Variants in COL4A3 observed in about 807,000 individuals in gnomAD.
COL4A3 encodes the protein collagen alpha-3(IV) chain.
In COL4A3, 135 loss-of-function variants were observed where a neutral mutation model predicts 217.4. That is an observed-to-expected ratio of 0.62 (90% CI 0.54 to 0.72). The LOEUF is 0.72. Ranked by LOEUF, COL4A3 falls within the 30% of genes least tolerant of loss-of-function variation. The pLI is 0.00. For missense variants in COL4A3, 1,868 were observed against 2,119.9 expected, an observed-to-expected ratio of 0.88 and a Z score of 2.33; for synonymous variants, 690 against 736.3, an observed-to-expected ratio of 0.94 and a Z score of 1.02.
chr2:227,181,340 C>T (rs1023072421), intron 1 of COL4A3, among the ~76,000 whole-genome samples: 15 of 152,226 alleles, frequency 9.9e-5, no homozygotes, highest in African/African-American at 3.1e-4. Flanking sequence ...GCACATTTAC[C>T]GAGCACTTAT....
At chr2:227,213,917 AAAG>A (rs1559832784) in intron 1 of COL4A3, among the ~76,000 whole-genome samples, 3 of 128,066 alleles carry the variant, frequency 2.3e-5, no homozygotes, top group Admixed American at 7.5e-5. Flanking sequence ...AAAAAAAAAA[AAAG>A]AAAAAGAAAA....
intron 46 of COL4A3, chr2:227,304,438 G>T: frequency 2.8e-6 from 1 of 360,048 alleles, no homozygotes; most frequent in Non-Finnish European, 5.2e-6. Context: ...TCTGACAACT[G>T]TCAGTCTCGG....
chr2:227,283,914 T>C, intron 33 of COL4A3, 58 bp downstream of exon 33: 2 of 1,453,212 alleles, frequency 1.4e-6, no homozygotes, highest in Non-Finnish European at 1.9e-6. Flanking sequence ...TCATTTATTT[T>C]GCAGCAAAAA....
intron 48 of COL4A3, 68 bp downstream of exon 48, chr2:227,307,987 G>A: frequency 7.1e-7 from 1 of 1,400,224 alleles, no homozygotes; most frequent in Non-Finnish European, 1.0e-6. Flanking sequence ...TATAGCCTAG[G>A]ATGCTTCCCT....
chr2:227,246,847 G>A (rs776362348), intron 7 of COL4A3, 109 bp downstream of exon 7: 1 of 894,358 alleles, frequency 1.1e-6, no homozygotes, highest in Non-Finnish European at 1.9e-6. Flanking sequence ...GAAGTCTGGG[G>A]TAGCCATAGT....
intron 47 of COL4A3, among the ~76,000 whole-genome samples, chr2:227,306,903 T>G (rs2073527548): frequency 6.6e-6 from 1 of 151,754 alleles, no homozygotes; most frequent in South Asian, 2.1e-4. Flanking sequence ...GCAGCAGAAA[T>G]GGATGGGAGT....
At chr2:227,272,303 T>C (rs1042558262) in intron 25 of COL4A3, among the ~76,000 whole-genome samples, 1 of 152,200 alleles carries the variant, frequency 6.6e-6, no homozygotes, top group Non-Finnish European at 1.5e-5. Context: ...TGGTGATTTG[T>C]TGAGTCTTAC....
At chr2:227,182,020 A>G (rs2065881071) in intron 1 of COL4A3, among the ~76,000 whole-genome samples, 1 of 152,212 alleles carries the variant, frequency 6.6e-6, no homozygotes, top group African/African-American at 2.4e-5. Context: ...AATCTAAAAT[A>G]TGATTTCCCA....
chr2:227,207,312 A>T (rs1406834843), intron 1 of COL4A3, among the ~76,000 whole-genome samples: 1 of 152,162 alleles, frequency 6.6e-6, no homozygotes, highest in African/African-American at 2.4e-5. Flanking sequence ...AACACACACT[A>T]AAAAAATGCA....
At chr2:227,233,726 C>T (rs765521584) in intron 1 of COL4A3, among the ~76,000 whole-genome samples, 6 of 152,096 alleles carry the variant, frequency 3.9e-5, no homozygotes, top group African/African-American at 7.2e-5. Flanking sequence ...AAAGGAGGCA[C>T]CTCATGGCGG....
chr2:227,282,653 T>C lies in COL4A3; in HGVS notation c.2656+121T>C. 1 of 958,058 alleles carries C rather than the reference T, an allele frequency of 1.0e-6. No individual in the cohort carries two copies. The highest frequency in any genetic ancestry group is 1.6e-6 in the Non-Finnish European group (1 of 626,092). 59.3% of individuals were successfully genotyped at this position (958,058 alleles called of 1,614,324 possible). On this transcript the variant is annotated intron_variant, in intron 32 of 51. Coordinates refer to ENST00000396578, the MANE Select transcript of COL4A3 (RefSeq NM_000091.5). This position sits in a 1 kb window ranked among gnomAD's most constrained non-coding sequence, Gnocchi z 4.4. ...CTTTTACTTAATATAAGGTTTTCCTTCTAAATTATTTGTAAGAAACCAGGG... is the reference window on the plus strand; with the variant it reads ...CTTTTACTTAATATAAGGTTTTCCTCCTAAATTATTTGTAAGAAACCAGGG...
chr2:227,212,894 T>G (rs1209629408), intron 1 of COL4A3, among the ~76,000 whole-genome samples: 2 of 152,150 alleles, frequency 1.3e-5, no homozygotes, highest in Non-Finnish European at 2.9e-5. Context: ...GGTTTCAAAG[T>G]CAAGACACAA....
chr2:227,183,755 A>C (rs2125679470), intron 1 of COL4A3, among the ~76,000 whole-genome samples: 1 of 152,252 alleles, frequency 6.6e-6, no homozygotes, highest in South Asian at 2.1e-4. Context: ...ACTTGAGAGA[A>C]CTACTCTCTC....
chr2:227,222,405 T>A (rs759683316), intron 1 of COL4A3: 1 of 151,984 alleles, frequency 6.6e-6, no homozygotes, highest in East Asian at 1.9e-4. Context: ...CCAGAGAGTG[T>A]CCTATTATCA....
chr2:227,164,758 T>A lies in COL4A3; in HGVS notation c.32T>A (p.Val11Glu). Residue 11 changes from valine (V) to glutamate (E), a missense_variant, in exon 1 of 52, where the codon GTG becomes GAG. Coordinates refer to ENST00000396578, the MANE Select transcript of COL4A3 (RefSeq NM_000091.5). The surrounding 1 kb of genome is among the most constrained non-coding windows in gnomAD (Gnocchi z 4.8). ...GCCCGGACCGCCCCCAGGCCGCAGG[T>A]GCTCCTGCTGCCGCTCCTGCTGGTG... MSARTAPRPQ[V>E]LLLPLLLVLL... 4 of 1,524,714 alleles carry A rather than the reference T, an allele frequency of 2.6e-6. No homozygotes were observed. The highest frequency in any genetic ancestry group is 3.5e-6 in the Non-Finnish European group (4 of 1,143,126). 94.4% of individuals were successfully genotyped at this position (1,524,714 alleles called of 1,614,324 possible). A position where few individuals can be genotyped will look rare whatever the true frequency, so the allele number is the denominator to read the frequency against.
intron 1 of COL4A3, among the ~76,000 whole-genome samples, chr2:227,218,391 G>A (rs6741668): frequency 0.12 from 17,583 of 151,958 alleles, 1,221 homozygotes; most frequent in East Asian, 0.34. Flanking sequence ...GCGTGAACCC[G>A]GGAGGAGGAG....
intron 37 of COL4A3, among the ~76,000 whole-genome samples, chr2:227,292,773 T>C (rs544158321): frequency 7.6e-4 from 115 of 152,314 alleles, no homozygotes; most frequent in African/African-American, 2.7e-3. Context: ...TGTGTGATTA[T>C]TTAATATCTA....
chr2:227,221,820 G>A (rs2067802679), intron 1 of COL4A3, among the ~76,000 whole-genome samples: 1 of 151,820 alleles, frequency 6.6e-6, no homozygotes, highest in Non-Finnish European at 1.5e-5. Context: ...TTTTTTGAAT[G>A]AATGAATAAA....
chr2:227,281,552 T>C (rs1426025032), intron 31 of COL4A3, among the ~76,000 whole-genome samples: 2 of 152,262 alleles, frequency 1.3e-5, no homozygotes, highest in Non-Finnish European at 2.9e-5. Flanking sequence ...CCTCATCAGA[T>C]CTGATGAACT....
Sources: allele counts gnomAD v4.1 joint callset (sites outside exome capture counted in the v4.1 genomes callset), GRCh38; gene constraint gnomAD v4.1.1; non-coding constraint Gnocchi (gnomAD v3.1); transcripts MANE v1.5; gene names NCBI Gene and HGNC (gene_info 2026-07-23, HGNC 2026-07-21).